RFX3: variants seen among roughly 807,000 people sequenced by gnomAD.
RFX3 encodes the protein transcription factor RFX3.
RFX3 carries 14 observed loss-of-function variants against 98.6 expected under a neutral mutation model. That is an observed-to-expected ratio of 0.14 (90% CI 0.09 to 0.22). The LOEUF (loss-of-function observed/expected upper bound fraction) is 0.22, where lower values mean the gene tolerates loss of function less well. RFX3 is among the 10% of genes least tolerant of loss of function. RFX3 has a pLI of 1.00. For missense variants in RFX3, 639 were observed against 926.9 expected (o/e 0.69, Z 4.03); for synonymous variants, 383 against 328.4 (o/e 1.17, Z -1.80).
In RFX3 at chr9:3,493,392, A is replaced by C. The variant is rs572922058; in HGVS notation, c.-9+32355T>G. On this transcript the variant is annotated intron_variant, in intron 1 of 16. Transcript: ENST00000617270. ...CTAAACACGTGATCCATTTTTAAAA[A>C]ATATACACTGGGCCAGGCGCGGTGG... Among the ~76,000 whole-genome samples, 21 of 152,150 alleles carry C rather than the reference A, an allele frequency of 1.4e-4. No individual in the cohort carries two copies. In the South Asian group the frequency reaches 3.7e-3, roughly 27 times the overall value.
rs1491257813 is a variant in RFX3, at chr9:3,320,811, A to ATG, written c.474+9447_474+9448insCA. Among the ~76,000 whole-genome samples, 166 of 119,296 alleles carry ATG rather than the reference A, an allele frequency of 1.4e-3. 1 individual carries two copies. The highest frequency in any genetic ancestry group is 4.9e-3 in the African/African-American group (151 of 30,630). The allele number at this position is 119,296 out of a possible 152,430, so 78.3% of individuals were successfully genotyped here. ...TATATATATATATATATATATATAT[A>ATG]GCCTCATTATCTAGGGGCTACATGT... On this transcript the variant is annotated intron_variant, in intron 4 of 16. Coordinates refer to ENST00000617270, the MANE Select transcript of RFX3 (RefSeq NM_001282116.2).
At chr9:3,353,438 C>T (rs1004847192) in intron 2 of RFX3, among the ~76,000 whole-genome samples, 6 of 151,904 alleles carry the variant, frequency 3.9e-5, no homozygotes, top group East Asian at 1.9e-4. Flanking sequence ...TTAGAGAAAA[C>T]GACAGCAACA....
intron 4 of RFX3, among the ~76,000 whole-genome samples, chr9:3,317,369 C>G (rs1314080811): frequency 1.3e-5 from 2 of 152,168 alleles, no homozygotes; most frequent in East Asian, 3.8e-4. Context: ...AAAATTAATT[C>G]AAGATGGATT....
At chr9:3,410,620 A>C (rs1407156911) in intron 1 of RFX3, among the ~76,000 whole-genome samples, 1 of 152,198 alleles carries the variant, frequency 6.6e-6, no homozygotes, top group Non-Finnish European at 1.5e-5. Context: ...TGGTTTGTGT[A>C]ACAGCTTTTA....
intron 1 of RFX3, among the ~76,000 whole-genome samples, chr9:3,462,976 T>C (rs564871856): frequency 1.3e-5 from 2 of 152,250 alleles, no homozygotes; most frequent in South Asian, 2.1e-4. Flanking sequence ...TATTGTTTAA[T>C]ATATTAATTT....
At chr9:3,371,453 A>G (rs1016047804) in intron 2 of RFX3, among the ~76,000 whole-genome samples, 10 of 152,294 alleles carry the variant, frequency 6.6e-5, no homozygotes, top group African/African-American at 2.4e-4. Context: ...ATTGATATAG[A>G]TATGCTATGA....
At chr9:3,404,186 T>C (rs1323224042) in intron 1 of RFX3, among the ~76,000 whole-genome samples, 1 of 152,178 alleles carries the variant, frequency 6.6e-6, no homozygotes, top group Admixed American at 6.6e-5. Context: ...TGGGTGTAGG[T>C]GGACCTCAAA....
chr9:3,243,486 A>G (rs1347196283), intron 15 of RFX3, among the ~76,000 whole-genome samples: 1 of 152,192 alleles, frequency 6.6e-6, no homozygotes, highest in African/African-American at 2.4e-5. Context: ...ATTTCAAAAC[A>G]CCAACAACAT....
intron 3 of RFX3, chr9:3,344,939 G>T: frequency 1.5e-6 from 1 of 668,168 alleles, no homozygotes; most frequent in African/African-American, 1.9e-5. Flanking sequence ...TATGTAAAGA[G>T]GTATAGATTT....
At chr9:3,440,149 A>C (rs1023810644) in intron 1 of RFX3, among the ~76,000 whole-genome samples, 1 of 152,086 alleles carries the variant, frequency 6.6e-6, no homozygotes, top group Non-Finnish European at 1.5e-5. Flanking sequence ...AGTTAACATC[A>C]TATTTAAAGA....
At chr9:3,504,207 T>TATTATAC (rs1335245447) in intron 1 of RFX3, among the ~76,000 whole-genome samples, 13 of 135,322 alleles carry the variant, frequency 9.6e-5, no homozygotes, top group African/African-American at 3.7e-4. Flanking sequence ...ATATATTATA[T>TATTATAC]ATATTATATA....
At chr9:3,255,725 C>T (rs561194184) in intron 14 of RFX3, among the ~76,000 whole-genome samples, 1 of 152,126 alleles carries the variant, frequency 6.6e-6, no homozygotes, top group Admixed American at 6.5e-5. Flanking sequence ...TCTTTGTGGC[C>T]GAGTTATGGT....
At chr9:3,372,228 C>T (rs1030150176) in intron 2 of RFX3, among the ~76,000 whole-genome samples, 3 of 152,132 alleles carry the variant, frequency 2.0e-5, no homozygotes, top group South Asian at 2.1e-4. Context: ...AACAGAAATA[C>T]GTGTATAAAC....
intron 9 of RFX3, among the ~76,000 whole-genome samples, chr9:3,272,938 T>C (rs1269687563): frequency 6.6e-6 from 1 of 151,960 alleles, no homozygotes. Context: ...TGAAATATAA[T>C]TAGGCAAGTA....
At chr9:3,509,842 AG>A (rs1404583063) in intron 1 of RFX3, among the ~76,000 whole-genome samples, 1 of 151,834 alleles carries the variant, frequency 6.6e-6, no homozygotes, top group Non-Finnish European at 1.5e-5. Flanking sequence ...TTTGCGGAGG[AG>A]TGTGGAGGCT....
intron 1 of RFX3, among the ~76,000 whole-genome samples, chr9:3,441,114 G>C (rs974297003): frequency 6.6e-6 from 1 of 152,174 alleles, no homozygotes; most frequent in Non-Finnish European, 1.5e-5. Context: ...CAACTCTGAA[G>C]CTGCTTTATA....
chr9:3,233,070 T>C (rs1818691284), intron 15 of RFX3, among the ~76,000 whole-genome samples: 1 of 152,226 alleles, frequency 6.6e-6, no homozygotes, highest in African/African-American at 2.4e-5. Flanking sequence ...CTTCCTATCC[T>C]ATAGACTATT....
chr9:3,247,175 T>C, intron 15 of RFX3: 1 of 985,524 alleles, frequency 1.0e-6, no homozygotes, highest in Non-Finnish European at 1.2e-6. Context: ...CCCCGCCTCC[T>C]GCATTCAATA....
chr9:3,397,775 A>T (rs1242137184), intron 1 of RFX3, among the ~76,000 whole-genome samples: 1 of 152,224 alleles, frequency 6.6e-6, no homozygotes, highest in Non-Finnish European at 1.5e-5. Context: ...GTATAGCAGT[A>T]ACAACTAGCA....
Sources: gnomAD v4.1 joint callset for allele counts (sites outside exome capture counted in the v4.1 genomes callset) on GRCh38, gnomAD v4.1.1 for gene constraint, MANE v1.5 for transcripts, NCBI Gene and HGNC (gene_info 2026-07-23, HGNC 2026-07-21) for gene names.